The following CNOT10 variants were observed in gnomAD, a reference collection of about 807,000 sequenced individuals.
CNOT10 encodes the protein CCR4-NOT transcription complex, subunit 10.
In CNOT10, 30 loss-of-function variants were observed where a neutral mutation model predicts 94.6. The ratio of observed to expected loss-of-function variants is 0.32; its 90% confidence interval spans 0.24 to 0.43. CNOT10 has a LOEUF of 0.43. CNOT10 is among the 20% of genes least tolerant of loss of function. CNOT10 has a pLI of 1.00. For synonymous variants in CNOT10, 289 were observed against 301.6 expected (o/e 0.96, Z 0.43); for missense variants, 759 against 877.2 (o/e 0.87, Z 1.70).
chr3:32,758,227 A>G (rs1700298991), intron 13 of CNOT10, among the ~76,000 whole-genome samples: 1 of 152,176 alleles, frequency 6.6e-6, no homozygotes, highest in Non-Finnish European at 1.5e-5. Context: ...GAACCACACT[A>G]GACAGTCTTT....
chr3:32,744,728 T>A (rs1699619621), intron 13 of CNOT10, among the ~76,000 whole-genome samples: 1 of 152,188 alleles, frequency 6.6e-6, no homozygotes, highest in South Asian at 2.1e-4. Flanking sequence ...AAGAAAGTTA[T>A]ATAGTCATCC....
rs911224723 is a variant in CNOT10 at position 32,757,914 on chromosome 3, C to G, written c.1596-1544C>G. 4.6e-5 allele frequency among the ~76,000 whole-genome samples: 7 copies of G among 152,344 alleles called. No individual in the cohort carries two copies. The East Asian group carries it at 1.3e-3, about 29-fold the overall frequency. On this transcript the variant is annotated intron_variant, in intron 13 of 18. Transcript: ENST00000328834. ...GTAATAAGGGTCAGATTTAAAATTA[C>G]ATACTCAGGGACAAAATATAAACTT...
At chr3:32,718,125 T>C (rs1698203692) in intron 7 of CNOT10, among the ~76,000 whole-genome samples, 1 of 152,042 alleles carries the variant, frequency 6.6e-6, no homozygotes, top group South Asian at 2.1e-4. Context: ...TGAGAAAATA[T>C]GGTTAAAAAT....
intron 13 of CNOT10, among the ~76,000 whole-genome samples, chr3:32,739,054 GC>G (rs1224120667): frequency 6.6e-6 from 1 of 151,824 alleles, no homozygotes; most frequent in African/African-American, 2.4e-5. Flanking sequence ...ACAGGTGCCT[GC>G]TAGCACGCCT....
Position 32,764,721 on chromosome 3 carries a change from A to C in CNOT10, c.1916A>C (p.Asn639Thr). The C allele has an allele frequency of 6.2e-7, 1 of 1,613,926 alleles. No individual in the cohort carries two copies. The highest frequency in any genetic ancestry group is 8.5e-7 in the Non-Finnish European group (1 of 1,179,992). ...RAPQCYPSSV[N>T]SARTVMLFNL... ...CCTCAGTGCTACCCCAGTTCCGTCAACTCTGCCAGGACTGTGATGCTGTTC... is the reference window on the plus strand; with the variant it reads ...CCTCAGTGCTACCCCAGTTCCGTCACCTCTGCCAGGACTGTGATGCTGTTC... Residue 639 changes from asparagine (N) to threonine (T), a missense_variant, in exon 17 of 19, where the codon AAC becomes ACC. Physicochemically the swap from Asn to Thr is moderately conservative, Grantham distance 65. This residue lies in a region of CNOT10 where 682 missense variants were observed against 799.4 expected (regional missense o/e 0.85). Coordinates refer to ENST00000328834, the MANE Select transcript of CNOT10 (RefSeq NM_015442.3).
At chr3:32,700,272 G>A (rs189627285) in intron 1 of CNOT10, among the ~76,000 whole-genome samples, 110 of 152,148 alleles carry the variant, frequency 7.2e-4, no homozygotes, top group Admixed American at 1.4e-3. Flanking sequence ...CACTGCGCCC[G>A]GCCTCAGTTT....
intron 13 of CNOT10, among the ~76,000 whole-genome samples, chr3:32,745,458 T>A (rs1268114026): frequency 5.2e-5 from 1 of 19,236 alleles, no homozygotes; most frequent in Admixed American, 6.3e-4. Flanking sequence ...ATAAGTTTTA[T>A]TCAATTAAGG....
chr3:32,695,869 A>T, intron 1 of CNOT10: 1 of 1,469,546 alleles, frequency 6.8e-7, no homozygotes, highest in Non-Finnish European at 9.1e-7. Flanking sequence ...TTTTTAAAAC[A>T]TTAAAAAAAC....
chr3:32,749,376 C>T (rs1357922387), intron 13 of CNOT10, among the ~76,000 whole-genome samples: 1 of 149,818 alleles, frequency 6.7e-6, no homozygotes, highest in Non-Finnish European at 1.5e-5. Flanking sequence ...TTAGCACTTA[C>T]ATTTAGGTCT....
chr3:32,758,921 A>T (rs1047461529), intron 13 of CNOT10, among the ~76,000 whole-genome samples: 10 of 152,076 alleles, frequency 6.6e-5, no homozygotes, highest in Non-Finnish European at 1.3e-4. Flanking sequence ...CTTTTTAGTT[A>T]CTCTTGATAC....
In CNOT10 at chr3:32,724,231, T is replaced by C. The variant is rs116667532; in HGVS notation, c.863-1219T>C. Among the ~76,000 whole-genome samples the C allele has an allele frequency of 2.3e-3, 331 of 146,734 alleles. 1 individual carries two copies. The highest frequency in any genetic ancestry group is 7.5e-3 in the African/African-American group (306 of 40,710). ...GAGACTTACAGTTTAATAGACATAC[T>C]CTGTTCTGTTCCTTTTTTTTTTTTT... is the stretch of plus-strand genomic sequence containing the variant. On this transcript the variant is annotated intron_variant, in intron 8 of 18. Transcript: ENST00000328834.
chr3:32,740,114 A>G (rs1260625438), intron 13 of CNOT10, among the ~76,000 whole-genome samples: 1 of 152,036 alleles, frequency 6.6e-6, no homozygotes, highest in African/African-American at 2.4e-5. Flanking sequence ...AAAAAATAAT[A>G]CAGAGACCTC....
chr3:32,754,489 AATAC>A (rs1408668254), intron 13 of CNOT10, among the ~76,000 whole-genome samples: 10 of 70,220 alleles, frequency 1.4e-4, no homozygotes, highest in Admixed American at 6.9e-4. Context: ...AAAAAAAAAA[AATAC>A]ATATATATAT....
chr3:32,753,752 T>C, intron 13 of CNOT10: 1 of 1,601,304 alleles, frequency 6.2e-7, no homozygotes, highest in Non-Finnish European at 8.5e-7. Context: ...TTTCAGCAGA[T>C]CTATTCAGAT....
At chr3:32,711,117 A>G (rs1697870102) in intron 4 of CNOT10, among the ~76,000 whole-genome samples, 1 of 152,208 alleles carries the variant, frequency 6.6e-6, no homozygotes, top group Admixed American at 6.5e-5. Context: ...AATGAATGAA[A>G]TACAGAAACT....
chr3:32,768,718 A>G (rs1463736250), intron 17 of CNOT10, among the ~76,000 whole-genome samples: 1 of 152,210 alleles, frequency 6.6e-6, no homozygotes, highest in Non-Finnish European at 1.5e-5. Flanking sequence ...GAGAGGAATA[A>G]AAGCCTCCCC....
At chr3:32,759,434 G>T in intron 13 of CNOT10, 24 bp from the exon 14 acceptor site, 1 of 1,502,528 alleles carries the variant, frequency 6.7e-7, no homozygotes, top group South Asian at 1.2e-5. Context: ...TGAGATTTTC[G>T]GCCCCTTCCC....
intron 17 of CNOT10, chr3:32,765,195 G>A (rs1700612488): frequency 1.2e-5 from 4 of 333,134 alleles, no homozygotes; most frequent in South Asian, 9.5e-5. Flanking sequence ...GCACGCACCT[G>A]TAGTCCCAGC....
intron 1 of CNOT10, among the ~76,000 whole-genome samples, chr3:32,701,507 G>C (rs2125509235): frequency 6.6e-6 from 1 of 152,256 alleles, no homozygotes; most frequent in African/African-American, 2.4e-5. Flanking sequence ...AATGTTAGGG[G>C]AGGGACCTGG....
Sources: gnomAD v4.1 joint callset for allele counts (sites outside exome capture counted in the v4.1 genomes callset) on GRCh38, gnomAD v4.1.1 for gene constraint, gnomAD v4.1.1 regional missense constraint, MANE v1.5 for transcripts, NCBI Gene and HGNC (gene_info 2026-07-23, HGNC 2026-07-21) for gene names.